Variants in PIK3R6 observed in about 807,000 individuals in gnomAD.
PIK3R6 encodes the protein phosphoinositide 3-kinase regulatory subunit 6.
PIK3R6 carries 91 observed loss-of-function variants against 84.9 expected under a neutral mutation model. The ratio of observed to expected loss-of-function variants is 1.07; its 90% CI spans 0.90 to 1.28. The LOEUF is 1.28. PIK3R6 is among the 50% of genes most tolerant of loss of function. The pLI is 0.00. For missense variants in PIK3R6, 996 were observed against 985.1 expected (o/e 1.01, Z -0.15); for synonymous variants, 416 against 411.4 (o/e 1.01, Z -0.13).
chr17:8,825,391 T>A (rs2087884196), intron 13 of PIK3R6, among the ~76,000 whole-genome samples: 1 of 152,208 alleles, frequency 6.6e-6, no homozygotes, highest in African/African-American at 2.4e-5. Context: ...AATAATAGGG[T>A]AGGCAGGCTT....
chr17:8,804,194 C>T (rs763475403), intron 18 of PIK3R6, 41 bp from the exon 19 acceptor site: 43 of 1,540,726 alleles, frequency 2.8e-5, no homozygotes, highest in African/African-American at 2.7e-5. Context: ...TGCCTTTGCT[C>T]GACAGGTGGC....
At chr17:8,853,833 T>C (rs60959140) in intron 1 of PIK3R6, among the ~76,000 whole-genome samples, 41,165 of 149,792 alleles carry the variant, frequency 0.27, 6,093 homozygotes, top group Non-Finnish European at 0.33. Flanking sequence ...TGTGGTGGCA[T>C]GCGCCTGTAG....
At chr17:8,821,764 TCTC>T in intron 17 of PIK3R6, 79 bp downstream of exon 17, 4 of 1,408,968 alleles carry the variant, frequency 2.8e-6, no homozygotes, top group Non-Finnish European at 3.9e-6. Context: ...GGCTCCCCCT[TCTC>T]CTGCCACTCT....
At chr17:8,843,409 C>T (rs1176070366) in intron 2 of PIK3R6, among the ~76,000 whole-genome samples, 12 of 152,064 alleles carry the variant, frequency 7.9e-5, no homozygotes, top group African/African-American at 2.4e-4. Context: ...CTCTCATTCC[C>T]CTCATCAGAA....
At chr17:8,850,147 T>C (rs546793563) in intron 1 of PIK3R6, among the ~76,000 whole-genome samples, 2 of 151,710 alleles carry the variant, frequency 1.3e-5, no homozygotes, top group East Asian at 1.9e-4. Flanking sequence ...CTACTAAAAA[T>C]ACAAAAAATT....
chr17:8,807,215 G>A (rs1412687815), intron 18 of PIK3R6, among the ~76,000 whole-genome samples: 1 of 152,176 alleles, frequency 6.6e-6, no homozygotes, highest in African/African-American at 2.4e-5. Flanking sequence ...TCCTACAGTG[G>A]ATAGGCTGCC....
chr17:8,804,034 G>A lies in PIK3R6; in HGVS notation c.2108+7C>T, dbSNP rs370906126. The A allele has an allele frequency of 5.6e-6, 9 of 1,611,840 alleles. No individual in the cohort carries two copies. Among genetic ancestry groups the A allele is most frequent in the Non-Finnish European group, 7.6e-6 (9 of 1,178,036 alleles). On this transcript the variant is annotated splice_region_variant and intron_variant, in intron 19 of 19. Coordinates refer to ENST00000619866, the MANE Select transcript of PIK3R6 (RefSeq NM_001010855.4). ...TGGACATCTAGGGTTGGCAGGCCCA[G>A]CCTCACCTGACCACATCCCTGAAAG...
chr17:8,831,328 TAAAAAAA>T (rs60650147), intron 9 of PIK3R6, among the ~76,000 whole-genome samples: 22 of 33,080 alleles, frequency 6.7e-4, no homozygotes, highest in African/African-American at 1.7e-3. Context: ...AGACCCTGTC[TAAAAAAA>T]AAAAAAAAAA....
intron 1 of PIK3R6, 37 bp from the exon 2 acceptor site, chr17:8,849,922 G>A: frequency 1.5e-6 from 2 of 1,310,568 alleles, no homozygotes; most frequent in Non-Finnish European, 2.1e-6. Context: ...TGGAAGCAGT[G>A]GGAAGGTGCA....
chr17:8,854,021 A>G (rs1223656421), intron 1 of PIK3R6, among the ~76,000 whole-genome samples: 1 of 152,142 alleles, frequency 6.6e-6, no homozygotes, highest in East Asian at 1.9e-4. Context: ...GGTAATTCCA[A>G]TAAAAATACC....
intron 18 of PIK3R6, among the ~76,000 whole-genome samples, chr17:8,806,738 TC>T (rs2087218938): frequency 6.6e-6 from 1 of 152,216 alleles, no homozygotes; most frequent in South Asian, 2.1e-4. Flanking sequence ...CCACTTCTGT[TC>T]TATTTCAAAC....
rs201926556 is a variant in PIK3R6, at chr17:8,828,867, G to A, written c.1013C>T (p.Thr338Ile). The stretch of plus-strand genomic sequence containing the variant: ...AAGGTCCCGCTCAATGCCGCTGTCA[G>A]TGGACAGCACAGAAACCCGGGCCAA... Reference protein sequence around the residue: ...RELARVSVLSTDSGIERDLPT... With the variant: ...RELARVSVLSIDSGIERDLPT... The change falls in exon 11 of 20, where the codon ACT becomes ATT. Residue 338 changes from threonine (T) to isoleucine (I), a missense_variant. Physicochemically the swap from Thr to Ile is moderately conservative, Grantham distance 89. Coordinates refer to ENST00000619866, the MANE Select transcript of PIK3R6 (RefSeq NM_001010855.4). 9 of 1,592,566 alleles carry A rather than the reference G, an allele frequency of 5.7e-6. No homozygotes were observed. In the East Asian group the frequency reaches 2.0e-4, roughly 36 times the overall value.
rs1187855447 is a variant in PIK3R6 at position 8,828,567 on chromosome 17, C to T, written c.1313G>A (p.Arg438Lys). ...CCCAGCCCCCACGTCGGGGCCCCAC[C>T]TGAGTCTGTGGTAGGCCTGGGCCAG... is the stretch of plus-strand genomic sequence containing the variant. The part of the protein sequence containing the change: ...GRLAQAYHRL[R>K]KRETQKFCLT... Residue 438 changes from arginine (R) to lysine (K), a missense_variant and splice_region_variant, in exon 11 of 20, where the codon AGG (arginine) becomes AAG (lysine). Transcript: ENST00000619866. 1.2e-6 allele frequency: 2 copies of T among 1,612,176 alleles called. No homozygotes were observed. The highest frequency in any genetic ancestry group is 1.7e-6 in the Non-Finnish European group (2 of 1,179,504).
chr17:8,818,263 G>A (rs1439925492), intron 18 of PIK3R6, among the ~76,000 whole-genome samples: 1 of 152,164 alleles, frequency 6.6e-6, no homozygotes, highest in Non-Finnish European at 1.5e-5. Context: ...TGGTTCAGGC[G>A]CAATCATGGG....
chr17:8,820,894 T>C (rs1265240545), intron 17 of PIK3R6, among the ~76,000 whole-genome samples: 1 of 152,242 alleles, frequency 6.6e-6, no homozygotes, highest in East Asian at 1.9e-4. Context: ...CTCATGAGCA[T>C]TCCAGCCTGG....
At chr17:8,850,613 C>T (rs2088931900) in intron 1 of PIK3R6, among the ~76,000 whole-genome samples, 1 of 152,204 alleles carries the variant, frequency 6.6e-6, no homozygotes, top group Non-Finnish European at 1.5e-5. Context: ...GTGGGAGGTC[C>T]TCCCAGAGTC....
chr17:8,848,329 A>C (rs2088859805), intron 2 of PIK3R6, among the ~76,000 whole-genome samples: 1 of 152,228 alleles, frequency 6.6e-6, no homozygotes, highest in East Asian at 1.9e-4. Context: ...ATTTATTGTT[A>C]TAAAGTGAGT....
chr17:8,819,689 T>TATATATATATATATAC (rs374733654), intron 17 of PIK3R6, among the ~76,000 whole-genome samples: 11 of 135,882 alleles, frequency 8.1e-5, no homozygotes, highest in African/African-American at 3.2e-4. Flanking sequence ...TATATATATA[T>TATATATATATATATAC]ACACACACAC....
At chr17:8,838,529 AT>A in intron 4 of PIK3R6, 34 bp downstream of exon 4, 2 of 1,557,960 alleles carry the variant, frequency 1.3e-6, no homozygotes, top group Non-Finnish European at 1.7e-6. Flanking sequence ...TCTTCCTTTC[AT>A]CCCCGTCTTC....
Sources: allele counts gnomAD v4.1 joint callset (sites outside exome capture counted in the v4.1 genomes callset), GRCh38; gene constraint gnomAD v4.1.1; transcripts MANE v1.5; gene names NCBI Gene and HGNC (gene_info 2026-07-23, HGNC 2026-07-21).